Variants in RGS6 observed in about 807,000 individuals in gnomAD.
RGS6 encodes the protein regulator of G-protein signaling 6.
In RGS6, 30 loss-of-function variants were observed where a neutral mutation model predicts 78.5. That is an observed-to-expected ratio of 0.38 (90% CI 0.29 to 0.52). The LOEUF is 0.52. RGS6 is among the 20% of genes least tolerant of loss of function. The probability of loss-of-function intolerance (pLI) is 0.85; values close to 1 mark genes in which losing one functional copy is unlikely to be tolerated. For missense variants in RGS6, 495 were observed against 609.7 expected, an observed-to-expected ratio of 0.81 and a Z score of 1.98; for synonymous variants, 206 against 206.0, an observed-to-expected ratio of 1.00 and a Z score of 0.00.
chr14:72,339,494 TG>T (rs1405676882), intron 2 of RGS6, among the ~76,000 whole-genome samples: 1 of 152,198 alleles, frequency 6.6e-6, no homozygotes, highest in African/African-American at 2.4e-5. Context: ...TTGAATCCTT[TG>T]GTGGCTGGAT....
chr14:72,328,249 A>T (rs534841028), intron 2 of RGS6, among the ~76,000 whole-genome samples: 37 of 152,070 alleles, frequency 2.4e-4, no homozygotes, highest in Non-Finnish European at 5.3e-4. Context: ...TCAGAAACAC[A>T]CTCACAGTCA....
At chr14:72,067,742 G>A (rs750260165) in intron 2 of RGS6, among the ~76,000 whole-genome samples, 4 of 152,174 alleles carry the variant, frequency 2.6e-5, no homozygotes, top group Non-Finnish European at 4.4e-5. Flanking sequence ...CGTACAGCTA[G>A]CTTGTAGGTC....
intron 2 of RGS6, among the ~76,000 whole-genome samples, chr14:72,261,857 T>C (rs1464439001): frequency 6.6e-6 from 1 of 152,336 alleles, no homozygotes; most frequent in East Asian, 1.9e-4. Context: ...GCAAATTACT[T>C]GGTTAATTAA....
chr14:72,497,920 A>T (rs892442339), intron 13 of RGS6, among the ~76,000 whole-genome samples: 1 of 151,908 alleles, frequency 6.6e-6, no homozygotes, highest in African/African-American at 2.4e-5. Flanking sequence ...GGCCTCTGGG[A>T]TGGAGTTGCT....
chr14:72,268,033 TTTC>T (rs2059343442), intron 2 of RGS6, among the ~76,000 whole-genome samples: 1 of 152,254 alleles, frequency 6.6e-6, no homozygotes, highest in Admixed American at 6.5e-5. Flanking sequence ...CTGACTTTAC[TTTC>T]AGGTGCCTTC....
chr14:71,970,498 C>T (rs1307514099), intron 2 of RGS6, among the ~76,000 whole-genome samples: 2 of 152,104 alleles, frequency 1.3e-5, no homozygotes, highest in African/African-American at 4.8e-5. Context: ...CTGTGGTATG[C>T]AGCAAGAAGG....
At chr14:72,059,368 A>G (rs1412377700) in intron 2 of RGS6, among the ~76,000 whole-genome samples, 1 of 152,198 alleles carries the variant, frequency 6.6e-6, no homozygotes, top group Non-Finnish European at 1.5e-5. Flanking sequence ...ATGGAACAAG[A>G]GCAGGGACTT....
chr14:72,088,832 CCTT>C (rs1313943665), intron 2 of RGS6, among the ~76,000 whole-genome samples: 9 of 152,214 alleles, frequency 5.9e-5, no homozygotes, highest in Non-Finnish European at 1.0e-4. Flanking sequence ...GTCACCCTGG[CCTT>C]CTTTCTGCTC....
At chr14:71,891,198 C>T in the RGS6 span, among the ~76,000 whole-genome samples, 1 of 152,160 alleles carries the variant, frequency 6.6e-6, no homozygotes, top group African/African-American at 2.4e-5. Context: ...TGAATTGGTC[C>T]TTGTTCTGGT....
At position 72,231,903 on chromosome 14, in the gene RGS6, T is replaced by C. The variant is rs147504505; in HGVS notation, c.85-120192T>C. ...GAGCCATGTTGGGTGTGGTGGGTCATTATAAGTTCTCTGGAGTTCATGCTG... is the reference window on the plus strand; with the variant it reads ...GAGCCATGTTGGGTGTGGTGGGTCACTATAAGTTCTCTGGAGTTCATGCTG... On this transcript the variant is annotated intron_variant, in intron 2 of 17. Coordinates refer to ENST00000553525, the MANE Select transcript of RGS6 (RefSeq NM_001204424.2). Among the ~76,000 whole-genome samples, 142 of 152,112 alleles carry C rather than the reference T, an allele frequency of 9.3e-4. 2 individuals are homozygous for C. The highest frequency in any genetic ancestry group is 3.3e-3 in the African/African-American group (135 of 41,502).
Position 72,201,150 on chromosome 14 carries a change from C to T in RGS6, c.85-150945C>T, listed in dbSNP as rs377186290. Among the ~76,000 whole-genome samples the T allele has an allele frequency of 3.3e-5, 5 of 152,082 alleles. No individual in the cohort carries two copies. The East Asian group carries it at 7.7e-4, about 23-fold the overall frequency. ...GTTGGAAAGCAATAGCAGATGGCTGCCGTGGGATGTATATGGTCCTGCTTT... is the reference window on the plus strand; with the variant it reads ...GTTGGAAAGCAATAGCAGATGGCTGTCGTGGGATGTATATGGTCCTGCTTT... On this transcript the variant is annotated intron_variant, in intron 2 of 17. Coordinates refer to ENST00000553525, the MANE Select transcript of RGS6 (RefSeq NM_001204424.2).
At chr14:72,093,588 C>T (rs1469389696) in intron 2 of RGS6, among the ~76,000 whole-genome samples, 1 of 152,310 alleles carries the variant, frequency 6.6e-6, no homozygotes, top group South Asian at 2.1e-4. Context: ...AAGCATTGCT[C>T]TACAGTTTGC....
At chr14:71,918,090 A>G in the RGS6 span, among the ~76,000 whole-genome samples, 1 of 145,606 alleles carries the variant, frequency 6.9e-6, no homozygotes, top group Non-Finnish European at 1.5e-5. Flanking sequence ...CTGAGGCAGG[A>G]GAATGGCGTG....
intron 2 of RGS6, among the ~76,000 whole-genome samples, chr14:72,046,018 G>T (rs146377498): frequency 6.6e-6 from 1 of 152,062 alleles, no homozygotes; most frequent in African/African-American, 2.4e-5. Flanking sequence ...AAGTTTGGTC[G>T]TAGTGAAGTC....
chr14:72,189,308 G>A (rs1322664547), intron 2 of RGS6, among the ~76,000 whole-genome samples: 1 of 152,112 alleles, frequency 6.6e-6, no homozygotes, highest in African/African-American at 2.4e-5. Context: ...AGTATGTTAG[G>A]CCTTGTCCTG....
the RGS6 span, among the ~76,000 whole-genome samples, chr14:72,580,317 C>T: frequency 6.7e-5 from 10 of 148,810 alleles, no homozygotes; most frequent in Middle Eastern, 3.4e-3. Context: ...TCCCCCCCAC[C>T]CCGACCCCAG....
chr14:72,575,485 G>C, the RGS6 span, among the ~76,000 whole-genome samples: 1 of 152,152 alleles, frequency 6.6e-6, no homozygotes, highest in African/African-American at 2.4e-5. Context: ...AAGGAGATGG[G>C]CTCTTGGACA....
At chr14:72,362,791 T>C (rs944671856) in intron 3 of RGS6, among the ~76,000 whole-genome samples, 2 of 152,208 alleles carry the variant, frequency 1.3e-5, no homozygotes, top group African/African-American at 4.8e-5. Flanking sequence ...CAACTCCACC[T>C]CCTGGTGTAG....
At chr14:72,326,340 A>C (rs2073755279) in intron 2 of RGS6, among the ~76,000 whole-genome samples, 1 of 152,212 alleles carries the variant, frequency 6.6e-6, no homozygotes, top group African/African-American at 2.4e-5. Context: ...TGTATGAATA[A>C]AATGCCCTGA....
Sources: gnomAD v4.1 joint callset for allele counts (sites outside exome capture counted in the v4.1 genomes callset) on GRCh38, gnomAD v4.1.1 for gene constraint, MANE v1.5 for transcripts, NCBI Gene and HGNC (gene_info 2026-07-23, HGNC 2026-07-21) for gene names.